Variants in SULF1 observed in about 807,000 individuals in gnomAD.
SULF1 encodes sulfatase 1, also known as extracellular sulfatase Sulf-1.
SULF1 carries 46 observed loss-of-function variants against 110.5 expected under a neutral mutation model. The ratio of observed to expected loss-of-function variants is 0.42; its 90% CI spans 0.33 to 0.53. SULF1 has a LOEUF of 0.53. Among genes scored for constraint, SULF1 ranks in the 20% least tolerant of loss-of-function variants. The pLI, the probability that SULF1 is intolerant of heterozygous loss-of-function variation, is 0.12. For synonymous variants in SULF1, 371 were observed against 387.1 expected, an observed-to-expected ratio of 0.96 and a Z score of 0.49; for missense variants, 941 against 1,094.2, an observed-to-expected ratio of 0.86 and a Z score of 1.98.
At chr8:69,535,773 T>C (rs1046882771) in intron 3 of SULF1, among the ~76,000 whole-genome samples, 1 of 152,154 alleles carries the variant, frequency 6.6e-6, no homozygotes, top group Non-Finnish European at 1.5e-5. Context: ...GGTTCACGCC[T>C]GTAATCCCAG....
intron 8 of SULF1, among the ~76,000 whole-genome samples, chr8:69,595,180 T>C (rs1207604183): frequency 6.6e-6 from 1 of 152,202 alleles, no homozygotes. Flanking sequence ...CCAAAGTCTA[T>C]ATTTTTTAAA....
upstream of SULF1, among the ~76,000 whole-genome samples, chr8:69,492,107 T>C (rs554191397): frequency 6.6e-6 from 1 of 151,688 alleles, no homozygotes; most frequent in Non-Finnish European, 1.5e-5. Flanking sequence ...ATTGTGGGCT[T>C]TGAGTGCCAG....
At chr8:69,616,373 C>A in intron 13 of SULF1, among the ~76,000 whole-genome samples, 1 of 151,646 alleles carries the variant, frequency 6.6e-6, no homozygotes, top group East Asian at 1.9e-4. Context: ...GCATGCGCCG[C>A]CACCTGGCTA....
intron 1 of SULF1, among the ~76,000 whole-genome samples, chr8:69,478,088 A>G (rs1389105097): frequency 2.6e-5 from 4 of 152,100 alleles, no homozygotes; most frequent in African/African-American, 9.7e-5. Flanking sequence ...CGCTGGGCTA[A>G]AGCAATCCCC....
At chr8:69,577,049 C>T (rs1429258308) in intron 6 of SULF1, among the ~76,000 whole-genome samples, 3 of 152,314 alleles carry the variant, frequency 2.0e-5, no homozygotes, top group African/African-American at 7.2e-5. Flanking sequence ...CTTTGCAGAG[C>T]GCCCTACGGG....
chr8:69,484,813 G>A (rs1303389887), intron 1 of SULF1, among the ~76,000 whole-genome samples: 4 of 130,008 alleles, frequency 3.1e-5, no homozygotes, highest in African/African-American at 1.3e-4. Flanking sequence ...TATACAGCTT[G>A]CTTTCATCTT....
intron 6 of SULF1, among the ~76,000 whole-genome samples, chr8:69,585,612 C>T (rs1262328442): frequency 1.3e-5 from 2 of 152,162 alleles, no homozygotes; most frequent in African/African-American, 4.8e-5. Flanking sequence ...ATGTGAAGGC[C>T]TTCCAGTGGC....
In SULF1 at chr8:69,534,661, C is replaced by T. The variant is rs151015964; in HGVS notation, c.-133-28878C>T. Among the ~76,000 whole-genome samples the T allele has an allele frequency of 5.1e-3, 778 of 152,190 alleles. 4 individuals carry two copies. Among genetic ancestry groups the T allele is most frequent in the African/African-American group, 0.018 (729 of 41,528 alleles). On this transcript the variant is annotated intron_variant, in intron 3 of 22. Coordinates refer to ENST00000402687, the MANE Select transcript of SULF1 (RefSeq NM_001128205.2). ...TCACAGACTTCATTTCCTTGACAAA[C>T]GACTTAATTATAATACTTTATTCCA...
intron 3 of SULF1, among the ~76,000 whole-genome samples, chr8:69,528,644 A>G (rs16936001): frequency 0.12 from 18,437 of 152,244 alleles, 1,188 homozygotes; most frequent in Middle Eastern, 0.2. Context: ...GGGTCATACC[A>G]GTGTGTCCTG....
chr8:69,586,684 T>A (rs940033460), intron 7 of SULF1, among the ~76,000 whole-genome samples, 176 bp downstream of exon 7: 1 of 152,224 alleles, frequency 6.6e-6, no homozygotes, highest in Non-Finnish European at 1.5e-5. Context: ...CAAGGAACGC[T>A]GCCTTTGTGT....
chr8:69,553,637 A>G (rs989754203), intron 3 of SULF1, among the ~76,000 whole-genome samples: 1 of 152,212 alleles, frequency 6.6e-6, no homozygotes, highest in African/African-American at 2.4e-5. Flanking sequence ...GCATTTTCCA[A>G]ATAAACCAAG....
At chr8:69,489,524 A>G (rs1809833185), upstream of SULF1, among the ~76,000 whole-genome samples, 1 of 150,052 alleles carries the variant, frequency 6.7e-6, no homozygotes, top group South Asian at 2.1e-4. Context: ...AAATAAGTCT[A>G]GCTTGCCACT....
chr8:69,485,094 A>G lies in SULF1; in HGVS notation c.-390-10671A>G, dbSNP rs935770996. 2.6e-5 allele frequency among the ~76,000 whole-genome samples: 4 copies of G among 152,244 alleles called. No individual in the cohort carries two copies. In the South Asian group the frequency reaches 8.3e-4, roughly 32 times the overall value. On this transcript the variant is annotated intron_variant, in intron 1 of 22. Coordinates refer to the SULF1 transcript ENST00000260128. ...TGGAGGGAAGATGGGAGCTCAGGAA[A>G]AGTGTCAGGATACACCTTGCAACCT... is the stretch of plus-strand genomic sequence containing the variant.
chr8:69,620,975 C>T, intron 13 of SULF1, 60 bp from the exon 14 acceptor site: 1 of 1,396,514 alleles, frequency 7.2e-7, no homozygotes, highest in South Asian at 1.3e-5. Context: ...AAGGCAGCAG[C>T]TCTTAATAAA....
intron 5 of SULF1, among the ~76,000 whole-genome samples, chr8:69,571,752 A>C (rs977157271): frequency 6.6e-6 from 1 of 152,238 alleles, no homozygotes; most frequent in African/African-American, 2.4e-5. Context: ...AATCATTTTT[A>C]GTAAGGTTTG....
At chr8:69,480,172 TTGA>T (rs769843403) in intron 1 of SULF1, among the ~76,000 whole-genome samples, 3 of 152,208 alleles carry the variant, frequency 2.0e-5, no homozygotes, top group Non-Finnish European at 4.4e-5. Context: ...CTATCCACTG[TTGA>T]TGATGACAAT....
At chr8:69,632,750 A>G (rs1810674827) in intron 19 of SULF1, among the ~76,000 whole-genome samples, 1 of 152,192 alleles carries the variant, frequency 6.6e-6, no homozygotes, top group South Asian at 2.1e-4. Flanking sequence ...AAAGGCCAAG[A>G]ACAGCAATTC....
intron 3 of SULF1, among the ~76,000 whole-genome samples, chr8:69,553,009 GT>G (rs1377602664): frequency 2.6e-5 from 4 of 152,154 alleles, no homozygotes; most frequent in Non-Finnish European, 4.4e-5. Flanking sequence ...TGAGTGAGAG[GT>G]TTTATTCATT....
At chr8:69,486,251 C>G (rs1462550372) in intron 1 of SULF1, among the ~76,000 whole-genome samples, 1 of 152,008 alleles carries the variant, frequency 6.6e-6, no homozygotes, top group Non-Finnish European at 1.5e-5. Flanking sequence ...CAGGACACGG[C>G]TATTTCCTTT....
Sources: allele counts gnomAD v4.1 joint callset (sites outside exome capture counted in the v4.1 genomes callset), GRCh38; gene constraint gnomAD v4.1.1; transcripts MANE v1.5; gene names NCBI Gene and HGNC (gene_info 2026-07-23, HGNC 2026-07-21).